KCNK13: variants seen among roughly 807,000 people sequenced by gnomAD.
The protein encoded by KCNK13 is potassium channel subfamily K member 13.
In KCNK13, 12 loss-of-function variants were observed where a neutral mutation model predicts 23.4. That is an observed-to-expected ratio of 0.51 (90% CI 0.33 to 0.83). The LOEUF (loss-of-function observed/expected upper bound fraction) is 0.83. KCNK13 is among the 40% of genes least tolerant of loss of function. The pLI is 0.02. For missense variants in KCNK13, 463 were observed against 556.3 expected, an observed-to-expected ratio of 0.83 and a Z score of 1.69; for synonymous variants, 231 against 229.5, an observed-to-expected ratio of 1.01 and a Z score of -0.06.
At chr14:90,076,816 A>T (rs1363379329) in intron 1 of KCNK13, among the ~76,000 whole-genome samples, 1 of 152,102 alleles carries the variant, frequency 6.6e-6, no homozygotes, top group Non-Finnish European at 1.5e-5. Context: ...GAGATTAAAA[A>T]AAAATTTTTT....
At chr14:90,115,861 T>C (rs1889671083) in intron 1 of KCNK13, among the ~76,000 whole-genome samples, 1 of 152,226 alleles carries the variant, frequency 6.6e-6, no homozygotes, top group Non-Finnish European at 1.5e-5. Context: ...TAAAAGCTCT[T>C]CAGGTGATTT....
intron 1 of KCNK13, among the ~76,000 whole-genome samples, chr14:90,142,130 TA>T (rs1431187205): frequency 6.6e-6 from 1 of 151,794 alleles, no homozygotes; most frequent in Non-Finnish European, 1.5e-5. Flanking sequence ...TGTCCCCAGG[TA>T]ACTAGCGATC....
At chr14:90,079,754 G>T (rs1889185075) in intron 1 of KCNK13, among the ~76,000 whole-genome samples, 1 of 152,216 alleles carries the variant, frequency 6.6e-6, no homozygotes, top group South Asian at 2.1e-4. Context: ...TAATGTGTCA[G>T]AAAGCAGTAC....
At chr14:90,113,106 G>C (rs1184404436) in intron 1 of KCNK13, among the ~76,000 whole-genome samples, 2 of 151,866 alleles carry the variant, frequency 1.3e-5, no homozygotes, top group African/African-American at 4.8e-5. Flanking sequence ...GTAGAGACAG[G>C]GTTTTGCCAT....
chr14:90,139,696 T>A (rs1458436676), intron 1 of KCNK13, among the ~76,000 whole-genome samples: 2 of 152,172 alleles, frequency 1.3e-5, no homozygotes, highest in Non-Finnish European at 2.9e-5. Context: ...GTGCGGTGTC[T>A]CATACCTGTA....
chr14:90,067,743 A>T (rs1353631388), intron 1 of KCNK13, among the ~76,000 whole-genome samples: 2 of 152,224 alleles, frequency 1.3e-5, no homozygotes, highest in Non-Finnish European at 2.9e-5. Context: ...AGAAAAGTAG[A>T]ATGACAGTAT....
intron 1 of KCNK13, among the ~76,000 whole-genome samples, chr14:90,089,072 G>C (rs1168838996): frequency 6.6e-6 from 1 of 152,210 alleles, no homozygotes; most frequent in Admixed American, 6.5e-5. Flanking sequence ...GATACCAGTA[G>C]AGTGGGGCAT....
At chr14:90,140,374 T>C (rs1368948365) in intron 1 of KCNK13, among the ~76,000 whole-genome samples, 1 of 152,134 alleles carries the variant, frequency 6.6e-6, no homozygotes. Context: ...TGAAGACCCA[T>C]TGAGAAGCAA....
At chr14:90,084,108 C>T (rs957755653) in intron 1 of KCNK13, among the ~76,000 whole-genome samples, 2 of 152,146 alleles carry the variant, frequency 1.3e-5, no homozygotes, top group East Asian at 3.8e-4. Context: ...TGTGAGTCCT[C>T]CAATGTTGTT....
At chr14:90,118,300 C>T (rs561788585) in intron 1 of KCNK13, among the ~76,000 whole-genome samples, 46 of 152,314 alleles carry the variant, frequency 3.0e-4, no homozygotes, top group Admixed American at 1.2e-3. Context: ...CCAACCCAGG[C>T]ATCTCTGGAT....
At chr14:90,182,374 C>T (rs1890497031) in intron 1 of KCNK13, among the ~76,000 whole-genome samples, 1 of 152,196 alleles carries the variant, frequency 6.6e-6, no homozygotes, top group Admixed American at 6.5e-5. Context: ...TGAACACTTC[C>T]AGGGTGCACT....
intron 1 of KCNK13, among the ~76,000 whole-genome samples, chr14:90,065,119 C>T (rs898730280): frequency 3.9e-5 from 6 of 152,240 alleles, no homozygotes; most frequent in South Asian, 2.1e-4. Flanking sequence ...TTTTCCTCTG[C>T]GTATACTTAT....
rs114616148 is a variant in KCNK13, at chr14:90,184,364, C to T, written c.588C>T (p.Tyr196=). ...SLAGWKPSVY[Y]VMLILCTASI... ...CCGGCTGGAAGCCCTCCGTGTACTA[C>T]GTCATGCTGATCCTATGCACAGCCT... Residue 196 remains tyrosine, a synonymous_variant, in exon 2 of 2, where the codon TAC becomes TAT. Transcript: ENST00000282146. The surrounding 1 kb of genome is among the most constrained non-coding windows in gnomAD (Gnocchi z 5.6). 1.3e-4 allele frequency: 212 copies of T among 1,614,236 alleles called. No homozygotes were observed. Among genetic ancestry groups the T allele is most frequent in the Middle Eastern group, 1.6e-4 (1 of 6,062 alleles).
In KCNK13 at chr14:90,179,966, C is replaced by T. The variant is rs573344384; in HGVS notation, c.335-4145C>T. On this transcript the variant is annotated intron_variant, in intron 1 of 1. Transcript: ENST00000282146. ...TTGGTACCAGGTTTGGCAGCCACTG[C>T]GGTCTGGGTGTCTGTATAAAGCATT... Among the ~76,000 whole-genome samples the T allele has an allele frequency of 2.2e-4, 33 of 152,294 alleles. No homozygotes were observed. In the South Asian group the frequency reaches 5.2e-3, roughly 24 times the overall value.
chr14:90,166,145 A>T (rs1890299936), intron 1 of KCNK13, among the ~76,000 whole-genome samples: 1 of 152,228 alleles, frequency 6.6e-6, no homozygotes, highest in Non-Finnish European at 1.5e-5. Flanking sequence ...TACCTGGAAA[A>T]CAGTTTAATC....
At chr14:90,130,334 G>C (rs568728562) in intron 1 of KCNK13, among the ~76,000 whole-genome samples, 25 of 151,794 alleles carry the variant, frequency 1.6e-4, no homozygotes, top group Admixed American at 2.0e-4. Flanking sequence ...TGAGTAGCTG[G>C]GATTACAGGC....
intron 1 of KCNK13, among the ~76,000 whole-genome samples, chr14:90,064,408 A>G (rs59787814): frequency 0.015 from 2,350 of 152,094 alleles, 64 homozygotes; most frequent in African/African-American, 0.054. Context: ...GCAGGAACTG[A>G]GAGTGGCATG....
At chr14:90,085,949 G>T (rs1889271516) in intron 1 of KCNK13, among the ~76,000 whole-genome samples, 6 of 148,646 alleles carry the variant, frequency 4.0e-5, no homozygotes, top group Admixed American at 3.4e-4. Flanking sequence ...TTGGTATCAG[G>T]ATAATACTAT....
intron 1 of KCNK13, among the ~76,000 whole-genome samples, chr14:90,102,546 C>T (rs1445935131): frequency 3.3e-5 from 5 of 152,188 alleles, no homozygotes; most frequent in African/African-American, 1.2e-4. Flanking sequence ...TCTCCTGTTG[C>T]CTTCCTGGTT....
Sources: gnomAD v4.1 joint callset for allele counts (sites outside exome capture counted in the v4.1 genomes callset) on GRCh38, gnomAD v4.1.1 for gene constraint, Gnocchi (gnomAD v3.1) non-coding constraint, MANE v1.5 for transcripts, NCBI Gene and HGNC (gene_info 2026-07-23, HGNC 2026-07-21) for gene names.